The following WDFY4 variants were observed in gnomAD, a reference collection of about 807,000 sequenced individuals.
WDFY4 encodes the protein WDFY family member 4, also known as WD repeat- and FYVE domain-containing protein 4.
In WDFY4, 169 loss-of-function variants were observed where a neutral mutation model predicts 351.9. The ratio of observed to expected loss-of-function variants is 0.48; its 90% CI spans 0.42 to 0.55. The LOEUF (loss-of-function observed/expected upper bound fraction) is 0.55. WDFY4 is among the 20% of genes least tolerant of loss of function. The pLI is 0.00. For missense variants in WDFY4, 3,803 were observed against 3,935.6 expected, an observed-to-expected ratio of 0.97 and a Z score of 0.90; for synonymous variants, 1,622 against 1,574.6, an observed-to-expected ratio of 1.03 and a Z score of -0.71.
At chr10:48,756,882 A>C (rs1258179002) in intron 12 of WDFY4, among the ~76,000 whole-genome samples, 5 of 152,084 alleles carry the variant, frequency 3.3e-5, no homozygotes, top group Admixed American at 2.0e-4. Flanking sequence ...CATTAGGTAT[A>C]CTGAAATGTA....
intron 42 of WDFY4, 147 bp from the exon 43 acceptor site, chr10:48,876,886 G>C: frequency 2.7e-6 from 2 of 745,204 alleles, no homozygotes; most frequent in Non-Finnish European, 2.0e-6. Context: ...TCCAGAAGCA[G>C]TGGAGGGGCA....
At chr10:48,873,468 G>T (rs2069865086) in intron 40 of WDFY4, 23 bp from the exon 41 acceptor site, 1 of 1,529,504 alleles carries the variant, frequency 6.5e-7, no homozygotes. Context: ...TGTATCCAGG[G>T]TGACTCTGTT....
intron 18 of WDFY4, 35 bp downstream of exon 18, chr10:48,778,867 C>G: frequency 6.5e-7 from 1 of 1,542,418 alleles, no homozygotes; most frequent in Non-Finnish European, 8.7e-7. Flanking sequence ...GTTTCATCCA[C>G]ATGTGGGGGA....
intron 34 of WDFY4, among the ~76,000 whole-genome samples, chr10:48,821,919 C>T (rs541026062): frequency 1.3e-5 from 2 of 152,198 alleles, no homozygotes; most frequent in East Asian, 1.9e-4. Context: ...GGACGACAGT[C>T]GTGGTGAACT....
intron 13 of WDFY4, among the ~76,000 whole-genome samples, chr10:48,761,908 A>G (rs1435557250): frequency 6.6e-6 from 1 of 152,208 alleles, no homozygotes; most frequent in Admixed American, 6.5e-5. Context: ...TATTTTAACC[A>G]ATGGAGAAAT....
At chr10:48,802,853 T>G (rs1442342487) in intron 24 of WDFY4, 1 of 478,786 alleles carries the variant, frequency 2.1e-6, no homozygotes, top group Non-Finnish European at 4.3e-6. Context: ...TCCTGCCACT[T>G]GCTGGTGGTG....
At chr10:48,773,866 G>A (rs1382992384) in intron 13 of WDFY4, among the ~76,000 whole-genome samples, 1 of 152,158 alleles carries the variant, frequency 6.6e-6, no homozygotes, top group African/African-American at 2.4e-5. Context: ...TTTTAGTCTT[G>A]TACTCCCAGG....
At chr10:48,865,058 T>C (rs1256628018) in intron 39 of WDFY4, among the ~76,000 whole-genome samples, 2 of 152,180 alleles carry the variant, frequency 1.3e-5, no homozygotes, top group African/African-American at 4.8e-5. Flanking sequence ...TATTTCTTTT[T>C]CTTGTCTGGT....
chr10:48,798,176 T>C (rs577195749), intron 24 of WDFY4, among the ~76,000 whole-genome samples: 1 of 152,306 alleles, frequency 6.6e-6, no homozygotes, highest in South Asian at 2.1e-4. Flanking sequence ...AAAAAGAGAA[T>C]ACTCTTTGTA....
intron 61 of WDFY4, 96 bp downstream of exon 61, chr10:48,981,574 A>G: frequency 3.5e-6 from 4 of 1,158,032 alleles, no homozygotes; most frequent in Admixed American, 2.1e-5. Context: ...CACCTGGCCG[A>G]GGAGGCCACT....
In WDFY4 at chr10:48,953,398, T is replaced by C. The variant is rs186641071; in HGVS notation, c.7978-3731T>C. Among the ~76,000 whole-genome samples the C allele has an allele frequency of 1.8e-3, 269 of 151,000 alleles. 1 individual carries two copies. Among genetic ancestry groups the C allele is most frequent in the African/African-American group, 6.2e-3 (254 of 41,206 alleles). On this transcript the variant is annotated intron_variant, in intron 51 of 61. Transcript: ENST00000325239. ...ACCAACAGCTATCATCCAGGGTTCA[T>C]AGACAAGGGCATGGGCGGTTAAAGA... is the stretch of plus-strand genomic sequence containing the variant.
At position 48,957,234 on chromosome 10, in the gene WDFY4, T is replaced by A; in HGVS notation, c.8083T>A (p.Phe2695Ile). The change falls in exon 52 of 62, where the codon TTC becomes ATC. Residue 2695 changes from phenylalanine to isoleucine, a missense_variant. Physicochemically the swap from Phe to Ile is conservative, Grantham distance 21. This residue lies in a region of WDFY4 where 3,054 missense variants were observed against 3,148.6 expected (regional missense o/e 0.97). Coordinates refer to ENST00000325239, the MANE Select transcript of WDFY4 (RefSeq NM_001394531.1). ...TGACGTCAGGGAGCTGACCCCAGAG[T>A]TCTTCTACCTGCCTGAGTTCTTAAC... ...MSDVRELTPE[F>I]FYLPEFLTNC... The A allele has an allele frequency of 1.3e-6, 2 of 1,551,598 alleles. No individual in the cohort carries two copies. The highest frequency in any genetic ancestry group is 1.7e-6 in the Non-Finnish European group (2 of 1,146,938).
chr10:48,696,496 C>G (rs537997489), intron 1 of WDFY4, among the ~76,000 whole-genome samples: 3 of 152,394 alleles, frequency 2.0e-5, no homozygotes, highest in African/African-American at 7.2e-5. Flanking sequence ...GCAGCACTGT[C>G]TGGCCATGCT....
intron 12 of WDFY4, among the ~76,000 whole-genome samples, chr10:48,744,695 T>A (rs1436187607): frequency 1.3e-5 from 2 of 152,246 alleles, no homozygotes; most frequent in African/African-American, 2.4e-5. Flanking sequence ...AGAACTTGCC[T>A]CTAAATGCTT....
intron 47 of WDFY4, among the ~76,000 whole-genome samples, chr10:48,903,967 G>A (rs1837489292): frequency 6.6e-6 from 1 of 152,210 alleles, no homozygotes; most frequent in South Asian, 2.1e-4. Flanking sequence ...TAGCCAGAAA[G>A]GTAGCAGAAA....
At chr10:48,899,069 G>A (rs2133401980) in intron 45 of WDFY4, among the ~76,000 whole-genome samples, 1 of 152,296 alleles carries the variant, frequency 6.6e-6, no homozygotes, top group Middle Eastern at 3.4e-3. Context: ...ATCAGTCAGT[G>A]GGGTTTTTTC....
At chr10:48,837,286 G>A (rs2068434735) in intron 39 of WDFY4, among the ~76,000 whole-genome samples, 2 of 151,938 alleles carry the variant, frequency 1.3e-5, no homozygotes, top group African/African-American at 4.8e-5. Flanking sequence ...CTCGGGCAGG[G>A]AGAAGGCCAG....
chr10:48,905,023 A>G (rs1837547268), intron 47 of WDFY4, among the ~76,000 whole-genome samples: 1 of 152,196 alleles, frequency 6.6e-6, no homozygotes, highest in African/African-American at 2.4e-5. Context: ...CCCTGGAGCA[A>G]TGCTGCATCA....
intron 51 of WDFY4, 116 bp downstream of exon 51, chr10:48,947,085 C>T (rs2663067): frequency 0.46 from 388,508 of 847,556 alleles, 91,701 homozygotes; most frequent in East Asian, 0.69. Context: ...GCTAAAAACT[C>T]AGTCATTAGC....
Sources: gnomAD v4.1 joint callset for allele counts (sites outside exome capture counted in the v4.1 genomes callset) on GRCh38, gnomAD v4.1.1 for gene constraint, gnomAD v4.1.1 regional missense constraint, MANE v1.5 for transcripts, NCBI Gene and HGNC (gene_info 2026-07-23, HGNC 2026-07-21) for gene names.